Variants in RPA2 observed in about 807,000 individuals in gnomAD.
The protein encoded by RPA2 is replication protein A2.
RPA2 carries 22 observed loss-of-function variants against 33.4 expected under a neutral mutation model. The ratio of observed to expected loss-of-function variants is 0.66; its 90% CI spans 0.47 to 0.94. RPA2 has a LOEUF of 0.94. Ranked by LOEUF, RPA2 falls within the 40% of genes least tolerant of loss-of-function variation. The pLI is 0.00. For missense variants in RPA2, 279 were observed against 329.9 expected, an observed-to-expected ratio of 0.85 and a Z score of 1.19; for synonymous variants, 109 against 114.9, an observed-to-expected ratio of 0.95 and a Z score of 0.33.
Position 27,914,448 on chromosome 1 carries a change from G to T in RPA2, c.-5C>A. The stretch of plus-strand genomic sequence containing the variant: ...CCCATCATTACTGTTCCACATCTTG[G>T]TCACGATTCTCCGCAAAGAGGCCGA... On this transcript the variant is annotated 5_prime_UTR_variant, in exon 1 of 9. Coordinates refer to ENST00000373912, the MANE Select transcript of RPA2 (RefSeq NM_002946.5). 1 of 1,595,518 alleles carries T rather than the reference G, an allele frequency of 6.3e-7. No homozygotes were observed.
At chr1:27,900,125 G>T (rs1017747397) in intron 4 of RPA2, among the ~76,000 whole-genome samples, 3 of 152,056 alleles carry the variant, frequency 2.0e-5, no homozygotes, top group Non-Finnish European at 4.4e-5. Context: ...TATTTATTTG[G>T]TTTTTTGATA....
chr1:27,894,031 T>C lies in RPA2; in HGVS notation c.709A>G (p.Met237Val), dbSNP rs201582355. 6.2e-7 allele frequency: 1 copy of C among 1,614,062 alleles called. No individual in the cohort carries two copies. The highest frequency in any genetic ancestry group is 8.5e-7 in the Non-Finnish European group (1 of 1,179,894). ...FQDLKNQLKH[M>V]SVSSIKQAVD... is the part of the protein sequence containing the mutation. ...ACTTACTTGATTGAGGATACAGACA[T>C]GTGTTTCAGCTGGTTCTTGAGATCC... The change falls in exon 8 of 9, where the codon ATG (methionine) becomes GTG (valine). Residue 237 changes from methionine to valine, a missense_variant. Met to Val is a conservative substitution (Grantham distance 21, BLOSUM62 1). Transcript: ENST00000373912.
At chr1:27,912,917 G>A (rs552686431) in intron 2 of RPA2, among the ~76,000 whole-genome samples, 8 of 152,250 alleles carry the variant, frequency 5.3e-5, no homozygotes, top group South Asian at 2.1e-4. Flanking sequence ...AAAGCAGCAC[G>A]GCAACGGCAG....
intron 2 of RPA2, among the ~76,000 whole-genome samples, chr1:27,909,603 A>G (rs1008864283): frequency 4.6e-5 from 7 of 152,282 alleles, no homozygotes; most frequent in African/African-American, 7.2e-5. Context: ...AATCCCAGCT[A>G]CTGGGGAGGC....
intron 6 of RPA2, among the ~76,000 whole-genome samples, chr1:27,894,800 C>T (rs942713479): frequency 2.0e-5 from 3 of 152,076 alleles, no homozygotes; most frequent in African/African-American, 7.2e-5. Flanking sequence ...ATCGTCCTCT[C>T]TTTCTTTCTT....
At chr1:27,892,436 T>C (rs2089836501) in intron 8 of RPA2, among the ~76,000 whole-genome samples, 189 bp from the exon 9 acceptor site, 1 of 152,160 alleles carries the variant, frequency 6.6e-6, no homozygotes, top group South Asian at 2.1e-4. Context: ...AAAACAGAGC[T>C]TATTCATGGA....
chr1:27,896,368 A>G (rs898785786), intron 6 of RPA2, among the ~76,000 whole-genome samples: 1 of 151,840 alleles, frequency 6.6e-6, no homozygotes, highest in African/African-American at 2.4e-5. Flanking sequence ...GGGTCTCCCT[A>G]TGTTGCCCAG....
Position 27,899,530 on chromosome 1 carries a change from AAC to A in RPA2, c.334-1825_334-1824del, listed in dbSNP as rs1175205790. Among the ~76,000 whole-genome samples, 247 of 147,394 alleles carry A rather than the reference AAC, an allele frequency of 1.7e-3. 1 individual carries two copies. Among genetic ancestry groups the A allele is most frequent in the African/African-American group, 6.0e-3 (229 of 37,882 alleles). ...AAAAAAAAGAAAAAAAAAAAAAAAAAACCACACAAACAAAACAATTGTATTCC... is the reference window on the plus strand; with the variant it reads ...AAAAAAAAGAAAAAAAAAAAAAAAAACACACAAACAAAACAATTGTATTCC... On this transcript the variant is annotated intron_variant, in intron 4 of 8. Transcript: ENST00000373912.
In RPA2 at chr1:27,914,081, A is replaced by G; in HGVS notation, c.99T>C (p.Ser33=). The G allele has an allele frequency of 6.3e-7, 1 of 1,599,534 alleles. No individual in the cohort carries two copies. The highest frequency in any genetic ancestry group is 8.5e-7 in the Non-Finnish European group (1 of 1,173,894). The change falls in exon 2 of 9, where the codon TCT becomes TCC. Residue 33 remains serine (S), a synonymous_variant. Coordinates refer to ENST00000373912, the MANE Select transcript of RPA2 (RefSeq NM_002946.5). The part of the protein sequence containing the change: ...SPGGFGSPAP[S]QAEKKSRARA... Reference sequence around the variant, plus strand: ...AACCTACTGATTTCTTTTCGGCTTGAGAAGGTGCGGGCGATCCAAAGCCCC... The same window carrying G: ...AACCTACTGATTTCTTTTCGGCTTGGGAAGGTGCGGGCGATCCAAAGCCCC...
At chr1:27,911,130 C>T (rs897899453) in intron 2 of RPA2, among the ~76,000 whole-genome samples, 4 of 151,908 alleles carry the variant, frequency 2.6e-5, no homozygotes, top group African/African-American at 7.3e-5. Flanking sequence ...GCAGGAGAAT[C>T]GCTTGAACCC....
At position 27,906,940 on chromosome 1, in the gene RPA2, C is replaced by G. The variant is rs1438098024; in HGVS notation, c.321G>C (p.Trp107Cys). The G allele has an allele frequency of 6.2e-7, 1 of 1,612,412 alleles. No homozygotes were observed. Among genetic ancestry groups the G allele is most frequent in the East Asian group, 2.2e-5 (1 of 44,868 alleles). Reference protein sequence around the residue: ...MTAAPMDVRQWVDTDDTSSEN... With the variant: ...MTAAPMDVRQCVDTDDTSSEN... ...AACAGCCACTTACATCTGTGTCAAC[C>G]CACTGGCGAACGTCCATGGGTGCAG... is the stretch of plus-strand genomic sequence containing the variant. Residue 107 changes from tryptophan (W) to cysteine (C), a missense_variant, in exon 4 of 9, where the codon TGG becomes TGC. Transcript: ENST00000373912.
intron 4 of RPA2, among the ~76,000 whole-genome samples, chr1:27,904,627 T>G (rs1186954415): frequency 1.3e-5 from 2 of 152,138 alleles, no homozygotes; most frequent in African/African-American, 4.8e-5. Flanking sequence ...ATAGATAACT[T>G]GTGGTTTTTG....
intron 4 of RPA2, among the ~76,000 whole-genome samples, chr1:27,900,361 C>T (rs747248349): frequency 2.6e-5 from 4 of 152,160 alleles, no homozygotes; most frequent in Non-Finnish European, 4.4e-5. Context: ...ATCCACCTGC[C>T]TCAGTCTCCC....
chr1:27,907,342 AC>A, intron 2 of RPA2, 60 bp from the exon 3 acceptor site: 1 of 1,276,204 alleles, frequency 7.8e-7, no homozygotes, highest in Non-Finnish European at 1.1e-6. Flanking sequence ...CTCATTCAAC[AC>A]CTGCCATGTG....
chr1:27,891,818 AGT>A lies in RPA2; in HGVS notation c.*343_*344del, dbSNP rs1213315420. 5.0e-6 allele frequency: 1 copy of A among 201,304 alleles called. No homozygotes were observed. Among genetic ancestry groups the A allele is most frequent in the Non-Finnish European group, 1.0e-5 (1 of 99,096 alleles). 12.5% of individuals were successfully genotyped at this position (201,304 alleles called of 1,614,324 possible). On this transcript the variant is annotated 3_prime_UTR_variant, in exon 9 of 9. Coordinates refer to ENST00000373912, the MANE Select transcript of RPA2 (RefSeq NM_002946.5). ...GCCCTGGTCCTGCTCATCTTTCAGC[AGT>A]AAACATTTTAAGAAGAGAAACTCCT...
At chr1:27,895,550 C>A (rs1375722999) in intron 6 of RPA2, among the ~76,000 whole-genome samples, 1 of 151,784 alleles carries the variant, frequency 6.6e-6, no homozygotes, top group African/African-American at 2.4e-5. Flanking sequence ...CCCTTCTCTA[C>A]TAAAAATACA....
Position 27,892,223 on chromosome 1 carries a change from A to G in RPA2, c.753T>C (p.Asn251=), listed in dbSNP as rs2089833292. 6.2e-7 allele frequency: 1 copy of G among 1,613,398 alleles called. No individual in the cohort carries two copies. The highest frequency in any genetic ancestry group is 8.5e-7 in the Non-Finnish European group (1 of 1,179,596). Residue 251 remains asparagine, a synonymous_variant, in exon 9 of 9, where the codon AAT becomes AAC. Coordinates refer to ENST00000373912, the MANE Select transcript of RPA2 (RefSeq NM_002946.5). ...SIKQAVDFLS[N]EGHIYSTVDD... Reference sequence around the variant, plus strand: ...CCACAGTAGAATAGATGTGCCCCTCATTGCTCAGAAAATCCACAGCTTGCC... The same window carrying G: ...CCACAGTAGAATAGATGTGCCCCTCGTTGCTCAGAAAATCCACAGCTTGCC...
Position 27,897,077 on chromosome 1 carries a change from A to G in RPA2, c.453T>C (p.Asp151=), listed in dbSNP as rs138067575. ...GAATATGTGTGGTGAACTCATTCAT[A>G]TCCTCCAGGGGCATGATCTTAAAGG... ...LVAFKIMPLE[D]MNEFTTHILE... Residue 151 remains aspartate (D), a synonymous_variant, in exon 6 of 9, where the codon GAT becomes GAC. Coordinates refer to ENST00000373912, the MANE Select transcript of RPA2 (RefSeq NM_002946.5). 36 of 1,613,968 alleles carry G rather than the reference A, an allele frequency of 2.2e-5. No individual in the cohort carries two copies. Among genetic ancestry groups the G allele is most frequent in the Middle Eastern group, 1.7e-4 (1 of 6,052 alleles).
At chr1:27,894,155 CCCCTTTGCA>C in intron 7 of RPA2, 49 bp from the exon 8 acceptor site, 3 of 1,570,166 alleles carry the variant, frequency 1.9e-6, no homozygotes, top group Non-Finnish European at 2.6e-6. Flanking sequence ...GGATCAGCCT[CCCCTTTGCA>C]AACCTGAGTC....
Sources: allele counts gnomAD v4.1 joint callset (sites outside exome capture counted in the v4.1 genomes callset), GRCh38; gene constraint gnomAD v4.1.1; transcripts MANE v1.5; gene names NCBI Gene and HGNC (gene_info 2026-07-23, HGNC 2026-07-21).